The following PGBD2 variants were observed in gnomAD, a reference collection of about 807,000 sequenced individuals.
The protein encoded by PGBD2 is piggyBac transposable element derived 2, also known as piggyBac transposable element-derived protein 2.
PGBD2 carries 6 observed loss-of-function variants against 8.1 expected under a neutral mutation model. The observed-to-expected ratio is 0.74, with a 90% confidence interval of 0.40 to 1.46. The LOEUF (loss-of-function observed/expected upper bound fraction) is 1.46, where lower values mean the gene tolerates loss of function less well. PGBD2 is among the 40% of genes most tolerant of loss of function. PGBD2 has a pLI of 0.02. For synonymous variants in PGBD2, 318 were observed against 272.2 expected (o/e 1.17, Z -1.66); for missense variants, 802 against 739.0 (o/e 1.09, Z -0.99).
chr1:248,911,368 C>T (rs868545427), intron 1 of PGBD2, among the ~76,000 whole-genome samples: 3 of 151,016 alleles, frequency 2.0e-5, no homozygotes, highest in South Asian at 2.1e-4. Context: ...GCACATCTTG[C>T]ACCGCCCTTA....
the PGBD2 span, among the ~76,000 whole-genome samples, chr1:248,878,528 G>C: frequency 4.6e-5 from 7 of 152,138 alleles, no homozygotes; most frequent in African/African-American, 1.4e-4. Flanking sequence ...AGTGGGGGTT[G>C]CTCTTATAAA....
At chr1:248,882,886 T>C in the PGBD2 span, among the ~76,000 whole-genome samples, 1 of 152,250 alleles carries the variant, frequency 6.6e-6, no homozygotes, top group Non-Finnish European at 1.5e-5. Context: ...GCATTTCATC[T>C]TTTATTCCGT....
the PGBD2 span, among the ~76,000 whole-genome samples, chr1:248,895,938 G>A: frequency 1.3e-5 from 2 of 151,460 alleles, no homozygotes; most frequent in Non-Finnish European, 2.9e-5. Flanking sequence ...CGCTCACCTC[G>A]GCCTCCCAAA....
chr1:248,902,208 G>T (rs1661546168), upstream of PGBD2, among the ~76,000 whole-genome samples: 1 of 151,328 alleles, frequency 6.6e-6, no homozygotes, highest in Admixed American at 6.6e-5. Flanking sequence ...GGCGAAGGTT[G>T]CAGTGAGCTG....
At chr1:248,929,805 T>G in the PGBD2 span, among the ~76,000 whole-genome samples, 1 of 152,202 alleles carries the variant, frequency 6.6e-6, no homozygotes, top group East Asian at 1.9e-4. Flanking sequence ...AGGTCAAAAG[T>G]GCAGGAAACT....
chr1:248,910,651 G>A (rs1285996237), intron 1 of PGBD2, among the ~76,000 whole-genome samples: 1 of 152,184 alleles, frequency 6.6e-6, no homozygotes, highest in African/African-American at 2.4e-5. Context: ...CCTGGCATCT[G>A]CCTGCAGCAA....
intron 2 of PGBD2, among the ~76,000 whole-genome samples, chr1:248,916,250 A>G (rs533621316): frequency 6.6e-6 from 1 of 152,028 alleles, no homozygotes; most frequent in Non-Finnish European, 1.5e-5. Context: ...CATCTCTACT[A>G]AAAATATAAA....
At chr1:248,909,847 C>T (rs72770986) in intron 1 of PGBD2, among the ~76,000 whole-genome samples, 14 of 152,340 alleles carry the variant, frequency 9.2e-5, no homozygotes, top group Non-Finnish European at 2.1e-4. Flanking sequence ...GACCAGCCCT[C>T]AGGAGTGGTC....
chr1:248,890,658 A>C, the PGBD2 span, among the ~76,000 whole-genome samples: 33 of 151,214 alleles, frequency 2.2e-4, no homozygotes, highest in Non-Finnish European at 4.1e-4. Flanking sequence ...CACATACCAC[A>C]CCTCACAGAT....
At chr1:248,925,504 A>G in the PGBD2 span, among the ~76,000 whole-genome samples, 4 of 152,100 alleles carry the variant, frequency 2.6e-5, no homozygotes, top group African/African-American at 9.7e-5. Flanking sequence ...AAGATTCAAC[A>G]TATTAATCAT....
chr1:248,913,318 T>C (rs1661977135), intron 1 of PGBD2, among the ~76,000 whole-genome samples: 2 of 152,204 alleles, frequency 1.3e-5, no homozygotes, highest in Non-Finnish European at 2.9e-5. Flanking sequence ...CTTGTGGGTA[T>C]TTATAGTTAT....
chr1:248,910,944 T>C (rs2103106755), intron 1 of PGBD2, among the ~76,000 whole-genome samples: 1 of 152,102 alleles, frequency 6.6e-6, no homozygotes, highest in East Asian at 1.9e-4. Flanking sequence ...GACCACACCG[T>C]GAAACCACCA....
the PGBD2 span, among the ~76,000 whole-genome samples, chr1:248,897,944 G>A: frequency 2.0e-5 from 3 of 152,198 alleles, no homozygotes; most frequent in African/African-American, 7.2e-5. Flanking sequence ...TCCCCACAGT[G>A]GAGCTCAGCA....
At chr1:248,914,974 G>T (rs146458002) in intron 2 of PGBD2, among the ~76,000 whole-genome samples, 1,771 of 152,278 alleles carry the variant, frequency 0.012, 17 homozygotes, top group Non-Finnish European at 0.017. Context: ...CTCTGCCTGG[G>T]ACATCTTGTC....
At chr1:248,897,411 C>T in the PGBD2 span, among the ~76,000 whole-genome samples, 2 of 151,952 alleles carry the variant, frequency 1.3e-5, no homozygotes, top group African/African-American at 4.9e-5. Flanking sequence ...CATGGCAAAA[C>T]TGCTGGCAAG....
At chr1:248,896,216 A>G in the PGBD2 span, among the ~76,000 whole-genome samples, 3 of 152,112 alleles carry the variant, frequency 2.0e-5, no homozygotes, top group Non-Finnish European at 4.4e-5. Flanking sequence ...GCAGTTTTAA[A>G]TAGGCTCCCT....
At chr1:248,874,940 AGAT>A in the PGBD2 span, among the ~76,000 whole-genome samples, 1 of 151,092 alleles carries the variant, frequency 6.6e-6, no homozygotes, top group East Asian at 1.9e-4. Flanking sequence ...ATAGATAGAT[AGAT>A]AGATAGATAG....
the PGBD2 span, among the ~76,000 whole-genome samples, chr1:248,901,147 G>A: frequency 6.6e-6 from 1 of 152,186 alleles, no homozygotes; most frequent in South Asian, 2.1e-4. Flanking sequence ...AATCAATATT[G>A]TGAAAATGGC....
At chr1:248,902,289 A>G (rs180780266), upstream of PGBD2, among the ~76,000 whole-genome samples, 1 of 152,100 alleles carries the variant, frequency 6.6e-6, no homozygotes, top group East Asian at 1.9e-4. Context: ...AAAAACCTAT[A>G]ATGAGATACC....
Sources: gnomAD v4.1 joint callset for allele counts (sites outside exome capture counted in the v4.1 genomes callset) on GRCh38, gnomAD v4.1.1 for gene constraint, MANE v1.5 for transcripts, NCBI Gene and HGNC (gene_info 2026-07-23, HGNC 2026-07-21) for gene names.